The following MBD5 variants were observed in gnomAD, a reference collection of about 807,000 sequenced individuals.
MBD5 encodes methyl-CpG-binding domain protein 5.
MBD5 carries 13 observed loss-of-function variants against 117.3 expected under a neutral mutation model. The ratio of observed to expected loss-of-function variants is 0.11; its 90% CI spans 0.07 to 0.18. MBD5 has a LOEUF of 0.18. Among genes scored for constraint, MBD5 ranks in the 10% least tolerant of loss-of-function variants. The pLI is 1.00. For synonymous variants in MBD5, 727 were observed against 766.4 expected (o/e 0.95, Z 0.85); for missense variants, 1,879 against 2,093.8 (o/e 0.90, Z 2.00).
chr2:148,094,990 A>C (rs1396246348), intron 1 of MBD5, among the ~76,000 whole-genome samples: 2 of 152,166 alleles, frequency 1.3e-5, no homozygotes, highest in Admixed American at 6.5e-5. Flanking sequence ...ACTCCAGCGT[A>C]TAAAAGGCCA....
chr2:148,380,486 G>C lies in MBD5; in HGVS notation c.-557+38150G>C, dbSNP rs1288722119. 2.6e-5 allele frequency among the ~76,000 whole-genome samples: 4 copies of C among 152,130 alleles called. No individual in the cohort carries two copies. In the East Asian group the frequency reaches 7.7e-4, roughly 29 times the overall value. On this transcript the variant is annotated intron_variant, in intron 4 of 13. Coordinates refer to ENST00000642680, the MANE Select transcript of MBD5 (RefSeq NM_001378120.1). ...AAATTTAAAAATTATTACACATTTA[G>C]AAATGTTTTAAATCTTTGAATAGCT... is the stretch of plus-strand genomic sequence containing the variant.
intron 1 of MBD5, among the ~76,000 whole-genome samples, chr2:148,077,205 T>TATAA (rs1267330134): frequency 6.6e-6 from 1 of 152,202 alleles, no homozygotes; most frequent in African/African-American, 2.4e-5. Flanking sequence ...CACATATCTC[T>TATAA]TAATAGTGTG....
intron 1 of MBD5, among the ~76,000 whole-genome samples, chr2:148,092,114 A>G (rs1695959825): frequency 3.3e-5 from 5 of 152,222 alleles, no homozygotes; most frequent in Non-Finnish European, 4.4e-5. Context: ...ATGATGAGAT[A>G]CCACCTTACT....
chr2:148,163,223 CATT>C, intron 1 of MBD5, among the ~76,000 whole-genome samples: 1 of 152,238 alleles, frequency 6.6e-6, no homozygotes, highest in Non-Finnish European at 1.5e-5. Flanking sequence ...ACTCCAAAGA[CATT>C]ATAGTGTAAT....
intron 1 of MBD5, among the ~76,000 whole-genome samples, chr2:148,158,912 C>T (rs572243146): frequency 7.9e-5 from 12 of 152,242 alleles, no homozygotes; most frequent in Non-Finnish European, 1.2e-4. Flanking sequence ...TTAGTAGAGA[C>T]GGGGTTTCAT....
chr2:148,418,690 A>G (rs991441462), intron 4 of MBD5, among the ~76,000 whole-genome samples: 4 of 152,208 alleles, frequency 2.6e-5, no homozygotes, highest in Non-Finnish European at 4.4e-5. Flanking sequence ...AGATGTCTAC[A>G]AGGAGAACTA....
intron 4 of MBD5, among the ~76,000 whole-genome samples, chr2:148,369,148 G>A (rs963678197): frequency 4.6e-5 from 7 of 151,580 alleles, no homozygotes; most frequent in East Asian, 3.9e-4. Flanking sequence ...CAAAATGACC[G>A]GCCTACATTC....
chr2:148,353,880 C>G (rs1245155763), intron 4 of MBD5, among the ~76,000 whole-genome samples: 2 of 152,046 alleles, frequency 1.3e-5, no homozygotes, highest in African/African-American at 4.8e-5. Flanking sequence ...CATGCCCATC[C>G]TTTATTTAGT....
At chr2:148,482,777 C>T (rs1681200151) in intron 8 of MBD5, among the ~76,000 whole-genome samples, 1 of 152,116 alleles carries the variant, frequency 6.6e-6, no homozygotes, top group South Asian at 2.1e-4. Flanking sequence ...TCCCATCTTC[C>T]CCTTTCACTT....
chr2:148,062,319 G>T (rs1005829514), intron 1 of MBD5: 1 of 151,236 alleles, frequency 6.6e-6, no homozygotes. Flanking sequence ...AAAACTACAA[G>T]GTTTCTACTT....
At chr2:148,248,455 T>G (rs933482121) in intron 3 of MBD5, among the ~76,000 whole-genome samples, 1 of 152,106 alleles carries the variant, frequency 6.6e-6, no homozygotes, top group Non-Finnish European at 1.5e-5. Flanking sequence ...AAACATAAAT[T>G]CTCATTGAAG....
intron 1 of MBD5, among the ~76,000 whole-genome samples, chr2:148,081,907 T>C (rs1558917788): frequency 6.6e-6 from 1 of 152,224 alleles, no homozygotes; most frequent in Non-Finnish European, 1.5e-5. Flanking sequence ...TTGAGAGTGA[T>C]TGCATTTATT....
At chr2:148,211,833 C>T (rs1242601324) in intron 2 of MBD5, among the ~76,000 whole-genome samples, 1 of 152,170 alleles carries the variant, frequency 6.6e-6, no homozygotes, top group African/African-American at 2.4e-5. Context: ...GCAACCTCAA[C>T]CTCCCAGGCA....
At chr2:148,153,194 T>TA (rs1201002309) in intron 1 of MBD5, among the ~76,000 whole-genome samples, 1 of 151,356 alleles carries the variant, frequency 6.6e-6, no homozygotes, top group East Asian at 2.0e-4. Flanking sequence ...CTCCTTCACT[T>TA]ATGAAGCTTA....
chr2:148,204,292 G>T (rs1000132627), intron 2 of MBD5, among the ~76,000 whole-genome samples: 6 of 151,632 alleles, frequency 4.0e-5, no homozygotes, highest in Admixed American at 3.3e-4. Context: ...GAATATTGTG[G>T]ATTAAAATGT....
chr2:148,463,654 T>C, intron 6 of MBD5, 85 bp from the exon 7 acceptor site: 1 of 1,506,330 alleles, frequency 6.6e-7, no homozygotes, highest in Non-Finnish European at 9.2e-7. Flanking sequence ...GCTTAATCTA[T>C]GCACAACTTT....
In MBD5 at chr2:148,470,301, G is replaced by C; in HGVS notation, c.2358G>C (p.Gln786His). Residue 786 changes from glutamine to histidine, a missense_variant, in exon 8 of 14, where the codon CAG becomes CAC. By Grantham distance (24) the Gln-to-His change is conservative. Transcript: ENST00000642680. ...ACCATCTTGCAGGTTTAATAAATCA[G>C]ATTCAGGCTAGCGGGAACTGTGGGA... ...PNHHLAGLIN[Q>H]IQASGNCGML... 2 of 1,613,934 alleles carry C rather than the reference G, an allele frequency of 1.2e-6. No individual in the cohort carries two copies. The highest frequency in any genetic ancestry group is 1.7e-6 in the Non-Finnish European group (2 of 1,179,910).
At chr2:148,165,031 G>C (rs1698092375) in intron 1 of MBD5, among the ~76,000 whole-genome samples, 1 of 152,044 alleles carries the variant, frequency 6.6e-6, no homozygotes, top group South Asian at 2.1e-4. Context: ...ATGTGAATTT[G>C]TTCTCAGTTA....
At chr2:148,466,717 A>G (rs1707272011) in intron 7 of MBD5, among the ~76,000 whole-genome samples, 1 of 152,144 alleles carries the variant, frequency 6.6e-6, no homozygotes, top group Non-Finnish European at 1.5e-5. Flanking sequence ...CTCTCATATC[A>G]TTGGATCTCA....
Sources: gnomAD v4.1 joint callset for allele counts (sites outside exome capture counted in the v4.1 genomes callset) on GRCh38, gnomAD v4.1.1 for gene constraint, MANE v1.5 for transcripts, NCBI Gene and HGNC (gene_info 2026-07-23, HGNC 2026-07-21) for gene names.